BCAR3: variants seen among roughly 807,000 people sequenced by gnomAD.
The protein encoded by BCAR3 is BCAR3 adaptor protein, NSP family member.
Under a neutral mutation model 80.1 loss-of-function variants are expected in BCAR3, and 37 were observed. The observed-to-expected ratio is 0.46, with a 90% confidence interval of 0.36 to 0.61. The LOEUF (loss-of-function observed/expected upper bound fraction) is 0.61. Among genes scored for constraint, BCAR3 ranks in the 20% least tolerant of loss-of-function variants. The pLI, the probability that BCAR3 is intolerant of heterozygous loss-of-function variation, is 0.00. For missense variants in BCAR3, 978 were observed against 1,068.2 expected (o/e 0.92, Z 1.18); for synonymous variants, 389 against 418.9 (o/e 0.93, Z 0.87).
At chr1:93,601,160 T>C (rs570294559) in intron 3 of BCAR3, among the ~76,000 whole-genome samples, 24 of 152,304 alleles carry the variant, frequency 1.6e-4, no homozygotes, top group Middle Eastern at 3.4e-3. Context: ...ACCTGGCACA[T>C]GGATGCTCGC....
At chr1:93,572,463 C>G (rs1428745736) in intron 8 of BCAR3, among the ~76,000 whole-genome samples, 1 of 152,188 alleles carries the variant, frequency 6.6e-6, no homozygotes, top group African/African-American at 2.4e-5. Flanking sequence ...AGGCCAGACC[C>G]TAATAAAATC....
intron 2 of BCAR3, among the ~76,000 whole-genome samples, chr1:93,824,521 G>A (rs959069623): frequency 6.0e-5 from 8 of 132,876 alleles, no homozygotes; most frequent in African/African-American, 1.3e-4. Context: ...ACAGGCCTCC[G>A]GTGACAACTC....
chr1:93,728,272 G>A (rs189274995), intron 2 of BCAR3, among the ~76,000 whole-genome samples: 163 of 152,316 alleles, frequency 1.1e-3, no homozygotes, highest in Non-Finnish European at 1.7e-3. Flanking sequence ...TTAGTACCCC[G>A]CTGCTCAAAC....
intron 3 of BCAR3, among the ~76,000 whole-genome samples, chr1:93,624,285 T>C (rs1168748974): frequency 6.6e-6 from 1 of 152,230 alleles, no homozygotes; most frequent in African/African-American, 2.4e-5. Flanking sequence ...CATCCCCTTA[T>C]TGAGGCCAGG....
At chr1:93,716,324 T>C (rs191851649) in intron 2 of BCAR3, among the ~76,000 whole-genome samples, 21 of 152,354 alleles carry the variant, frequency 1.4e-4, no homozygotes, top group Non-Finnish European at 2.8e-4. Flanking sequence ...AGCAATAGCA[T>C]ACAGTTGATG....
At chr1:93,769,749 A>G (rs1012488619) in intron 2 of BCAR3, among the ~76,000 whole-genome samples, 3 of 152,070 alleles carry the variant, frequency 2.0e-5, no homozygotes, top group African/African-American at 7.2e-5. Flanking sequence ...TGAAAAGGAA[A>G]ATTTTTTCCA....
chr1:93,642,418 T>C (rs1474755346), intron 2 of BCAR3, 75 bp from the exon 3 acceptor site: 6 of 1,400,214 alleles, frequency 4.3e-6, no homozygotes, highest in South Asian at 3.5e-5. Context: ...GTGTCCAACA[T>C]TATTTCACCC....
intron 7 of BCAR3, among the ~76,000 whole-genome samples, chr1:93,577,683 G>A (rs1209360933): frequency 6.6e-6 from 1 of 152,224 alleles, no homozygotes; most frequent in Non-Finnish European, 1.5e-5. Context: ...CCTTGGCAAG[G>A]CAGCCCAGAC....
At chr1:93,621,898 G>A (rs772289592) in intron 3 of BCAR3, among the ~76,000 whole-genome samples, 11 of 152,284 alleles carry the variant, frequency 7.2e-5, no homozygotes, top group Middle Eastern at 3.4e-3. Flanking sequence ...TTGAGATGGA[G>A]TCTCACTCTG....
rs1190719659 is a variant in BCAR3 at position 93,649,152 on chromosome 1, G to T, written c.318-6809C>A. Among the ~76,000 whole-genome samples the T allele has an allele frequency of 2.0e-5, 3 of 152,218 alleles. No homozygotes were observed. In the East Asian group the frequency reaches 5.8e-4, roughly 29 times the overall value. ...CCTGGGCTAAGGGAAGACACAGATT[G>T]CTCAGCAACTCCTAGTTTCCTTCTC... On this transcript the variant is annotated intron_variant, in intron 2 of 11. Transcript: ENST00000260502.
chr1:93,837,140 C>G (rs1242508008), intron 2 of BCAR3, among the ~76,000 whole-genome samples: 2 of 152,166 alleles, frequency 1.3e-5, no homozygotes, highest in Non-Finnish European at 2.9e-5. Flanking sequence ...ATCGCTTGAA[C>G]CCGGGAGGCA....
intron 2 of BCAR3, among the ~76,000 whole-genome samples, chr1:93,741,370 CA>C (rs1222373928): frequency 6.6e-6 from 1 of 152,146 alleles, no homozygotes; most frequent in African/African-American, 2.4e-5. Flanking sequence ...TGTGATGCCT[CA>C]CTGTGACACT....
chr1:93,633,386 C>T (rs1049087333), intron 3 of BCAR3, among the ~76,000 whole-genome samples: 9 of 152,270 alleles, frequency 5.9e-5, no homozygotes, highest in Admixed American at 5.2e-4. Flanking sequence ...ATTCCCACTG[C>T]GACTATCTCA....
intron 5 of BCAR3, among the ~76,000 whole-genome samples, chr1:93,585,944 G>A (rs7546450): frequency 0.04 from 6,048 of 152,210 alleles, 396 homozygotes; most frequent in African/African-American, 0.14. Context: ...CATAGTAGGT[G>A]TATATATTTA....
At chr1:93,811,243 C>T (rs1423617289) in intron 2 of BCAR3, among the ~76,000 whole-genome samples, 1 of 151,976 alleles carries the variant, frequency 6.6e-6, no homozygotes, top group Non-Finnish European at 1.5e-5. Flanking sequence ...ATCCCTCAGA[C>T]GTGAGAGGAT....
chr1:93,579,311 T>C (rs980034518), intron 7 of BCAR3, among the ~76,000 whole-genome samples: 8 of 152,196 alleles, frequency 5.3e-5, no homozygotes, highest in African/African-American at 1.9e-4. Flanking sequence ...CTCTTAGAGA[T>C]GCTGATTGTG....
chr1:93,807,842 T>C (rs893688436), intron 2 of BCAR3, among the ~76,000 whole-genome samples: 1 of 151,972 alleles, frequency 6.6e-6, no homozygotes, highest in African/African-American at 2.4e-5. Flanking sequence ...CAGGTCAGCC[T>C]TGGCAACATA....
intron 2 of BCAR3, among the ~76,000 whole-genome samples, chr1:93,827,532 G>T (rs1654413522): frequency 6.6e-6 from 1 of 151,936 alleles, no homozygotes; most frequent in South Asian, 2.1e-4. Context: ...TTTGGAGCTG[G>T]GCAGGACCCT....
intron 2 of BCAR3, chr1:93,646,556 G>C (rs965564818): frequency 6.6e-6 from 1 of 150,860 alleles, no homozygotes; most frequent in Non-Finnish European, 1.5e-5. Context: ...GAGCTGAGAT[G>C]GCGCCACTGC....
Sources: allele counts gnomAD v4.1 joint callset (sites outside exome capture counted in the v4.1 genomes callset), GRCh38; gene constraint gnomAD v4.1.1; transcripts MANE v1.5; gene names NCBI Gene and HGNC (gene_info 2026-07-23, HGNC 2026-07-21).